The following TXNDC8 variants were observed in gnomAD, a reference collection of about 807,000 sequenced individuals.
The protein encoded by TXNDC8 is thioredoxin domain-containing protein 8.
TXNDC8 carries 15 observed loss-of-function variants against 12.9 expected under a neutral mutation model. The ratio of observed to expected loss-of-function variants is 1.16; its 90% CI spans 0.78 to 1.79. TXNDC8 has a LOEUF of 1.79. Among genes scored for constraint, TXNDC8 ranks in the 40% most tolerant of loss-of-function variants. The pLI is 0.00. For synonymous variants in TXNDC8, 40 were observed against 35.4 expected (o/e 1.13, Z -0.46); for missense variants, 128 against 113.2 (o/e 1.13, Z -0.59).
intron 3 of TXNDC8, among the ~76,000 whole-genome samples, chr9:110,314,326 A>G (rs748075757): frequency 2.0e-5 from 3 of 152,022 alleles, no homozygotes; most frequent in Admixed American, 6.5e-5. Flanking sequence ...TGCTCTCACC[A>G]CCTGGGCACA....
At chr9:110,320,745 G>T (rs763696033) in intron 3 of TXNDC8, among the ~76,000 whole-genome samples, 14 of 152,356 alleles carry the variant, frequency 9.2e-5, no homozygotes, top group Admixed American at 2.6e-4. Context: ...AGAGAATGCA[G>T]TTTAATATTC....
chr9:110,332,357 C>G (rs566426757), intron 2 of TXNDC8, among the ~76,000 whole-genome samples: 1 of 152,250 alleles, frequency 6.6e-6, no homozygotes, highest in African/African-American at 2.4e-5. Flanking sequence ...TGGCTGGCCT[C>G]CCTTCTAGAT....
intron 3 of TXNDC8, among the ~76,000 whole-genome samples, chr9:110,311,516 A>AAG (rs1308181453): frequency 4.0e-4 from 24 of 59,874 alleles, no homozygotes; most frequent in African/African-American, 1.7e-3. Context: ...TACAAAAATA[A>AAG]AGAGGTATAT....
intron 3 of TXNDC8, among the ~76,000 whole-genome samples, chr9:110,317,602 A>G (rs890972265): frequency 1.3e-5 from 2 of 152,148 alleles, no homozygotes; most frequent in Middle Eastern, 3.2e-3. Flanking sequence ...TACCTCTTTT[A>G]CCTGCACAGG....
At chr9:110,312,706 T>C (rs536726592) in intron 3 of TXNDC8, among the ~76,000 whole-genome samples, 75 of 152,376 alleles carry the variant, frequency 4.9e-4, no homozygotes, top group Admixed American at 1.2e-3. Flanking sequence ...ATACAAATAC[T>C]CAGTCCAAGT....
chr9:110,322,665 C>T (rs1158086272), intron 3 of TXNDC8: 15 of 985,306 alleles, frequency 1.5e-5, no homozygotes, highest in Admixed American at 6.2e-5. Context: ...GTGGCAGCAG[C>T]TACCAAACAA....
At chr9:110,331,515 C>G (rs1350298862) in intron 2 of TXNDC8, among the ~76,000 whole-genome samples, 1 of 152,278 alleles carries the variant, frequency 6.6e-6, no homozygotes, top group East Asian at 1.9e-4. Context: ...CATTTAATTC[C>G]TTGTATTAAA....
At chr9:110,315,183 C>T (rs892991561) in intron 3 of TXNDC8, among the ~76,000 whole-genome samples, 9 of 152,100 alleles carry the variant, frequency 5.9e-5, no homozygotes, top group African/African-American at 1.7e-4. Context: ...CTGCAACCTC[C>T]GCCTGCTGGG....
intron 3 of TXNDC8, among the ~76,000 whole-genome samples, chr9:110,309,793 G>A (rs973077761): frequency 1.3e-5 from 2 of 152,098 alleles, no homozygotes; most frequent in African/African-American, 2.4e-5. Context: ...CTGCTTACAA[G>A]CAGCACACAT....
intron 3 of TXNDC8, chr9:110,322,365 A>C (rs1391402492): frequency 1.0e-6 from 1 of 985,216 alleles, no homozygotes; most frequent in African/African-American, 1.7e-5. Flanking sequence ...GTTTTCTAAT[A>C]GCTGCCTGGC....
chr9:110,311,222 A>G (rs1838650958), intron 3 of TXNDC8, among the ~76,000 whole-genome samples: 1 of 152,126 alleles, frequency 6.6e-6, no homozygotes, highest in South Asian at 2.1e-4. Context: ...TACATAAATC[A>G]TCTAGGTAAA....
chr9:110,326,278 G>T, intron 2 of TXNDC8, 38 bp from the exon 4 acceptor site: 1 of 1,607,798 alleles, frequency 6.2e-7, no homozygotes, highest in South Asian at 1.1e-5. Flanking sequence ...TTACAGTATT[G>T]GTGTCCTCTC....
At chr9:110,311,173 A>G (rs11523240) in intron 3 of TXNDC8, among the ~76,000 whole-genome samples, 17,727 of 152,106 alleles carry the variant, frequency 0.12, 1,132 homozygotes, top group African/African-American at 0.17. Context: ...TAATTTTGCA[A>G]TGGTCATTCC....
intron 3 of TXNDC8, chr9:110,322,757 A>C (rs1839154436): frequency 2.0e-6 from 2 of 985,532 alleles, no homozygotes; most frequent in Non-Finnish European, 2.4e-6. Context: ...GTACCAGGAC[A>C]GAATCAGGAG....
chr9:110,324,040 G>T, intron 3 of TXNDC8: 2 of 1,542,428 alleles, frequency 1.3e-6, no homozygotes, highest in South Asian at 2.4e-5. Flanking sequence ...AAAGGGAGTG[G>T]TTCCTTGGAG....
chr9:110,326,020 T>C (rs942232204), intron 3 of TXNDC8, among the ~76,000 whole-genome samples, 155 bp downstream of exon 4: 3 of 152,226 alleles, frequency 2.0e-5, no homozygotes, highest in Admixed American at 6.5e-5. Context: ...AGTTGTTGTA[T>C]GTAAAGTACA....
At chr9:110,323,383 A>C in intron 3 of TXNDC8, 1 of 966,692 alleles carries the variant, frequency 1.0e-6, no homozygotes, top group Non-Finnish European at 1.2e-6. Context: ...AGAATATAGA[A>C]GCTCATTAGT....
chr9:110,335,640 G>C (rs1177975241), intron 1 of TXNDC8, among the ~76,000 whole-genome samples: 1 of 152,106 alleles, frequency 6.6e-6, no homozygotes, highest in Non-Finnish European at 1.5e-5. Context: ...GGTGTAGCTG[G>C]CATTGGTATC....
At chr9:110,304,558 A>C in intron 3 of TXNDC8, 26 bp from the exon 5 acceptor site, 1 of 1,588,796 alleles carries the variant, frequency 6.3e-7, no homozygotes. Context: ...GAATTTCATA[A>C]TTTATCTGAG....
Sources: allele counts gnomAD v4.1 joint callset (sites outside exome capture counted in the v4.1 genomes callset), GRCh38; gene constraint gnomAD v4.1.1; transcripts MANE v1.5; gene names NCBI Gene and HGNC (gene_info 2026-07-23, HGNC 2026-07-21).